The following SEMA3A variants were observed in gnomAD, a reference collection of about 807,000 sequenced individuals.
The protein encoded by SEMA3A is semaphorin-3A.
SEMA3A carries 29 observed loss-of-function variants against 97.9 expected under a neutral mutation model. The observed-to-expected ratio is 0.30, with a 90% CI of 0.22 to 0.40. The LOEUF (loss-of-function observed/expected upper bound fraction) is 0.40, where lower values mean the gene tolerates loss of function less well. Ranked by LOEUF, SEMA3A falls within the 10% of genes least tolerant of loss-of-function variation. SEMA3A has a pLI of 1.00. For synonymous variants in SEMA3A, 321 were observed against 323.7 expected (o/e 0.99, Z 0.09); for missense variants, 763 against 951.3 (o/e 0.80, Z 2.60).
rs756665158 is a variant in SEMA3A, at chr7:83,985,459, C to T, written c.1471G>A (p.Ala491Thr). The T allele has an allele frequency of 5.0e-6, 8 of 1,610,540 alleles. No individual in the cohort carries two copies. Among genetic ancestry groups the T allele is most frequent in the Non-Finnish European group, 5.9e-6 (7 of 1,177,616 alleles). ...ACCTGCTTAGTGGAAAGCTCCATTG[C>T]TGAAATAGCAGTCGGTTCCTAAAGG... ...TVFREPTAISAMELSTKQQQL... is the reference protein window; with the variant it reads ...TVFREPTAISTMELSTKQQQL... The change falls in exon 13 of 17, where the codon GCA becomes ACA. Residue 491 changes from alanine to threonine, a missense_variant. Ala to Thr is a moderately conservative substitution (Grantham distance 58). Around this residue, in one of 2 missense-constraint regions of SEMA3A, gnomAD observed 678 missense variants for 881.3 expected, o/e 0.77. Transcript: ENST00000265362.
intron 2 of SEMA3A, among the ~76,000 whole-genome samples, chr7:84,361,961 A>T (rs768131762): frequency 1.3e-5 from 2 of 151,926 alleles, no homozygotes; most frequent in Non-Finnish European, 2.9e-5. Flanking sequence ...AAAACAGATT[A>T]TAGCTTTCAG....
intron 3 of SEMA3A, among the ~76,000 whole-genome samples, chr7:84,118,025 T>C (rs77215416): frequency 0.079 from 11,985 of 152,230 alleles, 835 homozygotes; most frequent in African/African-American, 0.19. Context: ...CTCTTCTACA[T>C]ATTATGCCAT....
intron 3 of SEMA3A, among the ~76,000 whole-genome samples, chr7:84,291,563 TA>T (rs1324863441): frequency 4.6e-5 from 7 of 152,138 alleles, no homozygotes; most frequent in African/African-American, 1.4e-4. Context: ...ATTTATCTCA[TA>T]AAACATTGAA....
intron 4 of SEMA3A, among the ~76,000 whole-genome samples, chr7:84,062,769 A>G (rs1197936792): frequency 6.6e-6 from 1 of 152,166 alleles, no homozygotes; most frequent in Non-Finnish European, 1.5e-5. Flanking sequence ...GGAGGGTCCT[A>G]CACCCACGGA....
chr7:84,267,623 C>T (rs528360427), intron 3 of SEMA3A, among the ~76,000 whole-genome samples: 5 of 151,962 alleles, frequency 3.3e-5, no homozygotes, highest in South Asian at 2.1e-4. Flanking sequence ...AAAATGAAGA[C>T]GTGTGTCACA....
intron 3 of SEMA3A, among the ~76,000 whole-genome samples, chr7:84,263,114 T>G (rs1353699957): frequency 6.6e-6 from 1 of 152,250 alleles, no homozygotes; most frequent in Non-Finnish European, 1.5e-5. Context: ...CATTTACTTA[T>G]AGGATCTTCC....
chr7:84,373,557 G>A (rs1348533054), intron 1 of SEMA3A, among the ~76,000 whole-genome samples: 2 of 152,126 alleles, frequency 1.3e-5, no homozygotes, highest in Non-Finnish European at 2.9e-5. Context: ...ATGAATAAAA[G>A]TAATTTATAA....
intron 1 of SEMA3A, among the ~76,000 whole-genome samples, chr7:84,461,581 T>A (rs1805841297): frequency 6.6e-6 from 1 of 152,216 alleles, no homozygotes; most frequent in African/African-American, 2.4e-5. Context: ...GCAAAGGCCA[T>A]GAACAAACAA....
rs1562938357 is a variant in SEMA3A, at chr7:83,958,594, T to A, written c.*2777A>T. 1 of 152,482 alleles carries A rather than the reference T, an allele frequency of 6.6e-6. No individual in the cohort carries two copies. Among genetic ancestry groups the A allele is most frequent in the African/African-American group, 2.4e-5 (1 of 41,426 alleles). 9.4% of individuals were successfully genotyped at this position (152,482 alleles called of 1,614,324 possible). ...GAAAATCTTGCCTTTTAGGATGATG[T>A]TGAACACATTGAAATGGAGTACTTA... is the stretch of plus-strand genomic sequence containing the variant. On this transcript the variant is annotated 3_prime_UTR_variant, in exon 17 of 17. Transcript: ENST00000265362.
intron 1 of SEMA3A, among the ~76,000 whole-genome samples, chr7:84,170,304 G>A (rs1399790964): frequency 6.6e-6 from 1 of 151,818 alleles, no homozygotes; most frequent in Non-Finnish European, 1.5e-5. Context: ...AGTTACTTTT[G>A]TAATACACAA....
intron 3 of SEMA3A, among the ~76,000 whole-genome samples, chr7:84,239,301 G>A (rs981119839): frequency 6.6e-6 from 1 of 152,022 alleles, no homozygotes; most frequent in Non-Finnish European, 1.5e-5. Flanking sequence ...AACATTAGGT[G>A]TTTTATCTAA....
At chr7:84,326,161 T>C (rs1289381341) in intron 2 of SEMA3A, among the ~76,000 whole-genome samples, 6 of 152,152 alleles carry the variant, frequency 3.9e-5, no homozygotes, top group Non-Finnish European at 8.8e-5. Flanking sequence ...CATGGTGGAG[T>C]ATGGATTATA....
chr7:84,379,402 G>C (rs188902394), intron 1 of SEMA3A, among the ~76,000 whole-genome samples: 2 of 152,040 alleles, frequency 1.3e-5, no homozygotes, highest in African/African-American at 4.8e-5. Flanking sequence ...TGAAGTATAC[G>C]TTTATAAGGA....
At chr7:84,400,464 A>T (rs1413412315) in intron 1 of SEMA3A, among the ~76,000 whole-genome samples, 3 of 152,308 alleles carry the variant, frequency 2.0e-5, no homozygotes, top group African/African-American at 4.8e-5. Context: ...AAAATCAAAC[A>T]AATTTTGGAG....
intron 1 of SEMA3A, among the ~76,000 whole-genome samples, chr7:84,169,664 CT>C (rs1797325181): frequency 6.6e-6 from 1 of 151,348 alleles, no homozygotes; most frequent in African/African-American, 2.4e-5. Context: ...AATACCATTT[CT>C]TTGTTGTTAG....
chr7:84,269,461 G>T (rs1000803492), intron 3 of SEMA3A, among the ~76,000 whole-genome samples: 4 of 150,256 alleles, frequency 2.7e-5, no homozygotes, highest in African/African-American at 9.7e-5. Flanking sequence ...AAATTTTAGA[G>T]CTTATAGGGA....
intron 3 of SEMA3A, among the ~76,000 whole-genome samples, chr7:84,205,062 C>A (rs1798455685): frequency 6.6e-6 from 1 of 152,188 alleles, no homozygotes; most frequent in Admixed American, 6.5e-5. Context: ...ACCTAAGTCA[C>A]AAACTGCATG....
At position 84,131,771 on chromosome 7, in the gene SEMA3A, ATTATTTATTTAT is replaced by A. The variant is rs139368318; in HGVS notation, c.271-2598_271-2587del. ...ACACTCCAAATATATGTATAAACAA[ATTATTTATTTAT>A]TTATTTATTTATTTATTTATTTATT... On this transcript the variant is annotated intron_variant, in intron 2 of 16. Transcript: ENST00000265362. Among the ~76,000 whole-genome samples, 1,323 of 148,988 alleles carry A rather than the reference ATTATTTATTTAT, an allele frequency of 8.9e-3. 3 individuals are homozygous for A. Among genetic ancestry groups the A allele is most frequent in the Non-Finnish European group, 0.013 (874 of 67,264 alleles).
intron 4 of SEMA3A, among the ~76,000 whole-genome samples, chr7:84,089,805 A>G (rs1293000629): frequency 7.4e-6 from 1 of 135,722 alleles, no homozygotes; most frequent in Admixed American, 8.1e-5. Context: ...ATATACCTAG[A>G]TTTATTATTA....
Sources: gnomAD v4.1 joint callset for allele counts (sites outside exome capture counted in the v4.1 genomes callset) on GRCh38, gnomAD v4.1.1 for gene constraint, gnomAD v4.1.1 regional missense constraint, MANE v1.5 for transcripts, NCBI Gene and HGNC (gene_info 2026-07-23, HGNC 2026-07-21) for gene names.